DENND3: variants seen among roughly 807,000 people sequenced by gnomAD.
The protein encoded by DENND3 is DENN domain containing 3, also known as DENN domain-containing protein 3.
DENND3 carries 88 observed loss-of-function variants against 135.1 expected under a neutral mutation model. The ratio of observed to expected loss-of-function variants is 0.65; its 90% confidence interval spans 0.55 to 0.78. DENND3 has a LOEUF of 0.78. Ranked by LOEUF, DENND3 falls within the 30% of genes least tolerant of loss-of-function variation. DENND3 has a pLI of 0.00. For missense variants in DENND3, 1,392 were observed against 1,688.4 expected (o/e 0.82, Z 3.08); for synonymous variants, 693 against 712.3 (o/e 0.97, Z 0.43).
In DENND3 at chr8:141,186,938, T is replaced by A. The variant is rs534678606; in HGVS notation, c.3084+1660T>A. The stretch of plus-strand genomic sequence containing the variant: ...GTCGCCCGAGAGGCCGCTGAGTAGC[T>A]CCCCGTGCTCTGAGACCCCACACTC... On this transcript the variant is annotated intron_variant, in intron 18 of 22. Transcript: ENST00000519811. Among the ~76,000 whole-genome samples the A allele has an allele frequency of 2.0e-5, 3 of 152,302 alleles. No individual in the cohort carries two copies. In the South Asian group the frequency reaches 6.2e-4, roughly 32 times the overall value.
In DENND3 at chr8:141,144,325, A is replaced by T; in HGVS notation, c.735+66A>T. The T allele has an allele frequency of 7.2e-7, 1 of 1,385,876 alleles. No homozygotes were observed. Among genetic ancestry groups the T allele is most frequent in the Non-Finnish European group, 9.9e-7 (1 of 1,007,142 alleles). 85.8% of individuals were successfully genotyped at this position (1,385,876 alleles called of 1,614,324 possible). A position where few individuals can be genotyped will look rare whatever the true frequency, so the allele number is the denominator to read the frequency against. The stretch of plus-strand genomic sequence containing the variant: ...TAGTAAAAGTAAGATGTTGAAGATA[A>T]TGTAAATGCTCACAACTATTTCTGA... On this transcript the variant is annotated intron_variant, in intron 5 of 22. Transcript: ENST00000519811. This position sits in a 1 kb window ranked among gnomAD's most constrained non-coding sequence, Gnocchi z 4.4.
chr8:141,189,831 C>T (rs1032952798), intron 19 of DENND3, among the ~76,000 whole-genome samples: 2 of 152,220 alleles, frequency 1.3e-5, no homozygotes, highest in Non-Finnish European at 2.9e-5. Context: ...CCCAGCCCCG[C>T]CCACAGCCGC....
At position 141,166,405 on chromosome 8, in the gene DENND3, C is replaced by A. The variant is rs540584886; in HGVS notation, c.1753+16C>A. 1.9e-6 allele frequency: 3 copies of A among 1,605,080 alleles called. No individual in the cohort carries two copies. Among genetic ancestry groups the A allele is most frequent in the South Asian group, 2.2e-5 (2 of 90,734 alleles). ...AGCAGCGCAGGTGAGGGCTGCCCCC[C>A]ACTGTGGTGCTGTGTGTCGGTCCCA... On this transcript the variant is annotated intron_variant, in intron 12 of 22. Transcript: ENST00000519811. This position sits in a 1 kb window ranked among gnomAD's most constrained non-coding sequence, Gnocchi z 4.3.
intron 5 of DENND3, 30 bp from the exon 6 acceptor site, chr8:141,150,804 T>C: frequency 3.2e-6 from 5 of 1,572,758 alleles, no homozygotes; most frequent in Non-Finnish European, 4.3e-6. Context: ...AGCAGCTCTC[T>C]GAACTAATGA....
chr8:141,193,297 A>G (rs1825021134), intron 22 of DENND3: 1 of 152,448 alleles, frequency 6.6e-6, no homozygotes, highest in Non-Finnish European at 1.4e-5. Context: ...CATCTGTTCC[A>G]CATGCAAAAT....
In DENND3 at chr8:141,194,423, C is replaced by T. The variant is rs966944097; in HGVS notation, c.*190C>T. ...ACCTTCTCTCAGGCCTTCGGGCCCC[C>T]TGGTTAAACTGCACCAAGGGTGTTT... On this transcript the variant is annotated 3_prime_UTR_variant, in exon 23 of 23. Coordinates refer to ENST00000519811, the MANE Select transcript of DENND3 (RefSeq NM_001352890.3). The T allele has an allele frequency of 1.3e-4, 80 of 634,470 alleles. 1 individual carries two copies. The East Asian group carries it at 2.0e-3, about 16-fold the overall frequency. The allele number at this position is 634,470 out of a possible 1,614,324, so 39.3% of individuals were successfully genotyped here. A position where few individuals can be genotyped will look rare whatever the true frequency, so the allele number is the denominator to read the frequency against.
chr8:141,182,288 C>T lies in DENND3; in HGVS notation c.2944+1434C>T, dbSNP rs1316167167. The T allele has an allele frequency of 2.0e-6, 2 of 984,928 alleles. No homozygotes were observed. Among genetic ancestry groups the T allele is most frequent in the African/African-American group, 3.5e-5 (2 of 57,318 alleles). The allele number at this position is 984,928 out of a possible 1,614,324, so 61.0% of individuals were successfully genotyped here. On this transcript the variant is annotated intron_variant, in intron 17 of 22. Coordinates refer to ENST00000519811, the MANE Select transcript of DENND3 (RefSeq NM_001352890.3). The surrounding 1 kb of genome is among the most constrained non-coding windows in gnomAD (Gnocchi z 5.9). Reference sequence around the variant, plus strand: ...AGAGAAGCTGTGTGTGAAGCGATTTCCCCATAAGAGAGTTTTTCTCTCTTC... The same window carrying T: ...AGAGAAGCTGTGTGTGAAGCGATTTTCCCATAAGAGAGTTTTTCTCTCTTC...
At position 141,166,620 on chromosome 8, in the gene DENND3, C is replaced by T. The variant is rs980847837; in HGVS notation, c.1753+231C>T. ...GTCACCGCTAAAGATAACGGGGGCT[C>T]GGCATGGTTCGGCATCCTTCACAGG... is the stretch of plus-strand genomic sequence containing the variant. On this transcript the variant is annotated intron_variant, in intron 12 of 22. Coordinates refer to ENST00000519811, the MANE Select transcript of DENND3 (RefSeq NM_001352890.3). The surrounding 1 kb of genome is among the most constrained non-coding windows in gnomAD (Gnocchi z 4.3). Among the ~76,000 whole-genome samples the T allele has an allele frequency of 6.6e-5, 10 of 152,178 alleles. No individual in the cohort carries two copies. The highest frequency in any genetic ancestry group is 3.8e-4 in the East Asian group (2 of 5,202).
In DENND3 at chr8:141,182,366, C is replaced by T; in HGVS notation, c.2944+1512C>T. 1.0e-6 allele frequency: 1 copy of T among 985,476 alleles called. No individual in the cohort carries two copies. The highest frequency in any genetic ancestry group is 1.2e-6 in the Non-Finnish European group (1 of 829,938). The allele number at this position is 985,476 out of a possible 1,614,324, so 61.0% of individuals were successfully genotyped here. On this transcript the variant is annotated intron_variant, in intron 17 of 22. Transcript: ENST00000519811. The surrounding 1 kb of genome is among the most constrained non-coding windows in gnomAD (Gnocchi z 5.9). ...GATAGACCCTGGCTGAGTGAGCAGG[C>T]AGCGTCATCAGGGCCGCCCCGCGTG...
In DENND3 at chr8:141,151,636, G is replaced by T; in HGVS notation, c.873G>T (p.Leu291=). Residue 291 remains leucine (L), a synonymous_variant, in exon 7 of 23, where the codon CTG becomes CTT. Transcript: ENST00000519811. Reference sequence around the variant, plus strand: ...CCCCTCAGATCCTGACATGCATCCTGACGGAACAGCGGATCGTCTTCTTCT... The same window carrying T: ...CCCCTCAGATCCTGACATGCATCCTTACGGAACAGCGGATCGTCTTCTTCT... ...EKVLQILTCI[L]TEQRIVFFSS... is the part of the protein sequence containing the mutation. 1 of 1,613,818 alleles carries T rather than the reference G, an allele frequency of 6.2e-7. No individual in the cohort carries two copies. Among genetic ancestry groups the T allele is most frequent in the Non-Finnish European group, 8.5e-7 (1 of 1,180,008 alleles).
At chr8:141,178,483 T>A (rs1401260556) in intron 16 of DENND3, among the ~76,000 whole-genome samples, 1 of 152,220 alleles carries the variant, frequency 6.6e-6, no homozygotes, top group Non-Finnish European at 1.5e-5. Context: ...TGATTCGTAA[T>A]TACAAACAAC....
At position 141,146,974 on chromosome 8, in the gene DENND3, G is replaced by T. The variant is rs577147771; in HGVS notation, c.735+2715G>T. On this transcript the variant is annotated intron_variant, in intron 5 of 22. Coordinates refer to ENST00000519811, the MANE Select transcript of DENND3 (RefSeq NM_001352890.3). This position sits in a 1 kb window ranked among gnomAD's most constrained non-coding sequence, Gnocchi z 4.3. The stretch of plus-strand genomic sequence containing the variant: ...GTTTCAGGGTCAGCAGTAATGAGCT[G>T]CACTCGGCCTTTGAACATAAGGAAT... Among the ~76,000 whole-genome samples the T allele has an allele frequency of 6.6e-6, 1 of 152,318 alleles. No individual in the cohort carries two copies. Among genetic ancestry groups the T allele is most frequent in the East Asian group, 1.9e-4 (1 of 5,178 alleles).
At chr8:141,156,758 C>T (rs1227477346) in intron 8 of DENND3, among the ~76,000 whole-genome samples, 9 of 150,860 alleles carry the variant, frequency 6.0e-5, no homozygotes, top group African/African-American at 2.2e-4. Context: ...ACTCCCGCCA[C>T]TGTATTGGCA....
intron 15 of DENND3, chr8:141,177,037 C>T (rs746955671): frequency 1.6e-4 from 66 of 411,132 alleles, no homozygotes; most frequent in South Asian, 9.0e-4. Flanking sequence ...TCCAGACTGG[C>T]GACATCCCAG....
At position 141,168,509 on chromosome 8, in the gene DENND3, C is replaced by T. The variant is rs769090287; in HGVS notation, c.2259C>T (p.Phe753=). The change falls in exon 13 of 23, where the codon TTC becomes TTT. Residue 753 remains phenylalanine (F), a synonymous_variant. Coordinates refer to ENST00000519811, the MANE Select transcript of DENND3 (RefSeq NM_001352890.3). The surrounding 1 kb of genome is among the most constrained non-coding windows in gnomAD (Gnocchi z 6.2). ...VKDASIIHRL[F]EALTVGQEKQ... is the part of the protein sequence containing the mutation. ...ACGCCAGCATCATACACCGGCTGTT[C>T]GAGGCCTTGACTGTAGGTAAGAGGA... 347 of 1,608,396 alleles carry T rather than the reference C, an allele frequency of 2.2e-4. No homozygotes were observed. Among genetic ancestry groups the T allele is most frequent in the Non-Finnish European group, 2.7e-4 (320 of 1,176,264 alleles).
At chr8:141,173,012 AGAGGCG>A (rs1821836835) in intron 13 of DENND3, among the ~76,000 whole-genome samples, 1 of 150,150 alleles carries the variant, frequency 6.7e-6, no homozygotes, top group Non-Finnish European at 1.5e-5. Context: ...CACCCCAGTC[AGAGGCG>A]GAGGTGGCTG....
In DENND3 at chr8:141,183,982, G is replaced by A. The variant is rs568651174; in HGVS notation, c.2945-1157G>A. Reference sequence around the variant, plus strand: ...GCGGCCTGTGCTTTCGGCCCCTTGAGGTTCTGGTCTGTTTTGCTTTCTGCT... The same window carrying A: ...GCGGCCTGTGCTTTCGGCCCCTTGAAGTTCTGGTCTGTTTTGCTTTCTGCT... On this transcript the variant is annotated intron_variant, in intron 17 of 22. Transcript: ENST00000519811. Among the ~76,000 whole-genome samples, 6 of 152,248 alleles carry A rather than the reference G, an allele frequency of 3.9e-5. No individual in the cohort carries two copies. The South Asian group carries it at 1.2e-3, about 32-fold the overall frequency.
chr8:141,132,990 C>G (rs955410201), intron 1 of DENND3, among the ~76,000 whole-genome samples: 1 of 152,184 alleles, frequency 6.6e-6, no homozygotes, highest in African/African-American at 2.4e-5. Context: ...TCTGCTCCAC[C>G]GCATCCCCTC....
intron 7 of DENND3, 142 bp from the exon 8 acceptor site, chr8:141,155,707 T>C: frequency 9.2e-7 from 1 of 1,082,732 alleles, no homozygotes; most frequent in Non-Finnish European, 1.3e-6. Flanking sequence ...GCACCCGGCC[T>C]ATGTGTGCAT....
Sources: allele counts gnomAD v4.1 joint callset (sites outside exome capture counted in the v4.1 genomes callset), GRCh38; gene constraint gnomAD v4.1.1; non-coding constraint Gnocchi (gnomAD v3.1); transcripts MANE v1.5; gene names NCBI Gene and HGNC (gene_info 2026-07-23, HGNC 2026-07-21).